CASP1: variants seen among roughly 807,000 people sequenced by gnomAD.
The protein encoded by CASP1 is caspase-1.
CASP1 carries 31 observed loss-of-function variants against 41.2 expected under a neutral mutation model. That is an observed-to-expected ratio of 0.75 (90% CI 0.57 to 1.02). CASP1 has a LOEUF of 1.02. Among genes scored for constraint, CASP1 ranks in the 50% least tolerant of loss-of-function variants. CASP1 has a pLI of 0.00. For synonymous variants in CASP1, 163 were observed against 166.5 expected (o/e 0.98, Z 0.16); for missense variants, 490 against 495.7 (o/e 0.99, Z 0.11).
At position 105,025,827 on chromosome 11, in the gene CASP1, G is replaced by C. The variant is rs551281029; in HGVS notation, c.*431C>G. 4.7e-5 allele frequency: 11 copies of C among 233,616 alleles called. No individual in the cohort carries two copies. The highest frequency in any genetic ancestry group is 9.4e-5 in the Non-Finnish European group (11 of 117,006). 14.5% of individuals were successfully genotyped at this position (233,616 alleles called of 1,614,324 possible). A position where few individuals can be genotyped will look rare whatever the true frequency, so the allele number is the denominator to read the frequency against. ...GCCAATATCAGATGAATCTCAAAAG[G>C]GGTCTAAATGAAAAACTTTGGGAGA... On this transcript the variant is annotated 3_prime_UTR_variant, in exon 9 of 9. Coordinates refer to ENST00000533400, the MANE Select transcript of CASP1 (RefSeq NM_001257118.3).
intron 3 of CASP1, among the ~76,000 whole-genome samples, chr11:105,032,481 G>T (rs1863758703): frequency 6.6e-6 from 1 of 152,056 alleles, no homozygotes. Flanking sequence ...TGCATTCCTA[G>T]CCTCTACATT....
At chr11:105,029,299 A>G (rs199881097) in intron 6 of CASP1, 32 bp from the exon 7 acceptor site, 7 of 1,592,190 alleles carry the variant, frequency 4.4e-6, no homozygotes, top group Middle Eastern at 1.7e-4. Context: ...TGTTACTACT[A>G]CCAATGGCTG....
chr11:105,029,620 G>A (rs1252108177), intron 6 of CASP1, 45 bp downstream of exon 6: 1 of 1,396,786 alleles, frequency 7.2e-7, no homozygotes, highest in Non-Finnish European at 1.0e-6. Flanking sequence ...TACAGAGTAG[G>A]ATAGTATTTG....
At chr11:105,035,029 T>C in intron 1 of CASP1, 78 bp downstream of exon 1, 2 of 1,581,740 alleles carry the variant, frequency 1.3e-6, no homozygotes, top group Non-Finnish European at 1.7e-6. Flanking sequence ...AGATGCTAAT[T>C]ATGGCTTCCA....
chr11:105,030,322 G>C lies in CASP1; in HGVS notation c.627+8C>G. ...TAACCATTGTTTCTGTTGTATAATA[G>C]AACTTACCGAAGCAGTGAGATTTTT... On this transcript the variant is annotated splice_region_variant and intron_variant, in intron 5 of 8. Coordinates refer to ENST00000533400, the MANE Select transcript of CASP1 (RefSeq NM_001257118.3). 1 of 1,607,558 alleles carries C rather than the reference G, an allele frequency of 6.2e-7. No individual in the cohort carries two copies. Among genetic ancestry groups the C allele is most frequent in the African/African-American group, 1.3e-5 (1 of 74,774 alleles).
intron 6 of CASP1, 125 bp from the exon 7 acceptor site, chr11:105,029,392 C>A (rs1255703450): frequency 2.6e-6 from 2 of 755,786 alleles, no homozygotes; most frequent in Non-Finnish European, 4.2e-6. Flanking sequence ...CAAATAGACA[C>A]ATGCATTTCA....
Position 105,026,204 on chromosome 11 carries a change from A to C in CASP1, c.*54T>G. The C allele has an allele frequency of 1.7e-6, 2 of 1,152,028 alleles. No individual in the cohort carries two copies. The highest frequency in any genetic ancestry group is 2.6e-6 in the Non-Finnish European group (2 of 767,592). The allele number at this position is 1,152,028 out of a possible 1,614,324, so 71.4% of individuals were successfully genotyped here. ...AGTACCCTTTCCTCAACCTTCCCAC[A>C]CTCCCGACCATACACATGTACCTGC... On this transcript the variant is annotated 3_prime_UTR_variant, in exon 9 of 9. Coordinates refer to ENST00000533400, the MANE Select transcript of CASP1 (RefSeq NM_001257118.3).
chr11:105,030,288 C>T (rs1049566859), intron 5 of CASP1, 42 bp downstream of exon 5: 13 of 1,493,138 alleles, frequency 8.7e-6, no homozygotes, highest in African/African-American at 4.2e-5. Flanking sequence ...TTCAGTTATA[C>T]GAAGGGCATA....
At chr11:105,026,626 G>A in intron 8 of CASP1, 1 of 601,312 alleles carries the variant, frequency 1.7e-6, no homozygotes, top group Admixed American at 2.9e-5. Context: ...GGCAGGAGCG[G>A]GGTGAAACTA....
At chr11:105,033,474 C>A (rs529730561) in intron 2 of CASP1, among the ~76,000 whole-genome samples, 1 of 152,170 alleles carries the variant, frequency 6.6e-6, no homozygotes, top group Non-Finnish European at 1.5e-5. Context: ...ACATCAATGA[C>A]TGGGAATCCA....
Position 105,031,146 on chromosome 11 carries a change from T to C in CASP1, c.453+19A>G, listed in dbSNP as rs1489540733. On this transcript the variant is annotated intron_variant, in intron 4 of 8. Transcript: ENST00000533400. ...TGTTTCTTTCACCCCACTCTATCCT[T>C]GGGTTCTGAGCATGGCACCTCTGCC... The C allele has an allele frequency of 3.5e-6, 5 of 1,423,116 alleles. No individual in the cohort carries two copies. Among genetic ancestry groups the C allele is most frequent in the Non-Finnish European group, 5.0e-6 (5 of 1,006,628 alleles). The allele number at this position is 1,423,116 out of a possible 1,614,324, so 88.2% of individuals were successfully genotyped here. A position where few individuals can be genotyped will look rare whatever the true frequency, so the allele number is the denominator to read the frequency against.
chr11:105,025,691 C>T lies in CASP1; in HGVS notation c.*567G>A, dbSNP rs1320992629. ...TATAAAGTTATACCACCAATGGGAA[C>T]ATACACAATTTTAAAAGGAAAGACC... On this transcript the variant is annotated 3_prime_UTR_variant, in exon 9 of 9. Coordinates refer to ENST00000533400, the MANE Select transcript of CASP1 (RefSeq NM_001257118.3). 3 of 347,536 alleles carry T rather than the reference C, an allele frequency of 8.6e-6. No individual in the cohort carries two copies. Among genetic ancestry groups the T allele is most frequent in the African/African-American group, 6.6e-5 (3 of 45,124 alleles). The allele number at this position is 347,536 out of a possible 1,614,324, so 21.5% of individuals were successfully genotyped here. A position where few individuals can be genotyped will look rare whatever the true frequency, so the allele number is the denominator to read the frequency against.
rs546639608 is a variant in CASP1 at position 105,032,776 on chromosome 11, G to A, written c.337+288C>T. Among the ~76,000 whole-genome samples, 16 of 152,226 alleles carry A rather than the reference G, an allele frequency of 1.1e-4. No individual in the cohort carries two copies. In the South Asian group the frequency reaches 3.3e-3, roughly 32 times the overall value. ...TCAGCTCTGGGAAAGTTTAGAATAA[G>A]GTGTCTCTGGGAGATGGGAGTGAAT... On this transcript the variant is annotated intron_variant, in intron 3 of 8. Transcript: ENST00000533400.
At chr11:105,031,354 T>A in intron 3 of CASP1, 74 bp from the exon 4 acceptor site, 1 of 802,304 alleles carries the variant, frequency 1.2e-6, no homozygotes, top group Non-Finnish European at 2.1e-6. Context: ...CAGCCTCACC[T>A]ATGGATGAAG....
chr11:105,033,105 A>C lies in CASP1; in HGVS notation c.296T>G (p.Leu99Arg), dbSNP rs1017907513. Residue 99 changes from leucine (L) to arginine (R), a missense_variant, in exon 3 of 9, where the codon CTT (leucine) becomes CGT (arginine). Physicochemically the swap from Leu to Arg is moderately radical, Grantham distance 102 (BLOSUM62 -2). Transcript: ENST00000533400. ...TACTCCTTGAGAGTCTTGCATATTAAGGTAATTTCCAGATGTTTGATCTAT... is the reference window on the plus strand; with the variant it reads ...TACTCCTTGAGAGTCTTGCATATTACGGTAATTTCCAGATGTTTGATCTAT... ...LSADQTSGNY[L>R]NMQDSQGVLS... The C allele has an allele frequency of 3.8e-6, 6 of 1,586,352 alleles. No homozygotes were observed. The African/African-American group carries it at 8.1e-5, about 21-fold the overall frequency.
chr11:105,032,983 T>A, intron 3 of CASP1, 81 bp downstream of exon 3: 1 of 843,198 alleles, frequency 1.2e-6, no homozygotes, highest in Non-Finnish European at 2.0e-6. Context: ...CCATAGCCCA[T>A]TTACCCACGT....
upstream of CASP1, chr11:105,035,319 T>G: frequency 1.5e-6 from 1 of 648,772 alleles, no homozygotes; most frequent in Non-Finnish European, 2.7e-6. Context: ...CTTGGATAGA[T>G]CAGGGTAGGA....
chr11:105,032,636 A>G (rs1863770468), intron 3 of CASP1, among the ~76,000 whole-genome samples: 1 of 152,184 alleles, frequency 6.6e-6, no homozygotes, highest in South Asian at 2.1e-4. Context: ...GGTGCATGAG[A>G]AGGAAGGGTC....
At chr11:105,033,991 A>T in intron 2 of CASP1, 1 of 847,584 alleles carries the variant, frequency 1.2e-6, no homozygotes, top group Non-Finnish European at 2.0e-6. Flanking sequence ...TACTCAGAAC[A>T]GGAAATGAGC....
Sources: gnomAD v4.1 joint callset for allele counts (sites outside exome capture counted in the v4.1 genomes callset) on GRCh38, gnomAD v4.1.1 for gene constraint, MANE v1.5 for transcripts, NCBI Gene and HGNC (gene_info 2026-07-23, HGNC 2026-07-21) for gene names.